The following SYNPO2 variants were observed in gnomAD, a reference collection of about 807,000 sequenced individuals.
The protein encoded by SYNPO2 is synaptopodin-2.
SYNPO2 carries 56 observed loss-of-function variants against 85.0 expected under a neutral mutation model. That is an observed-to-expected ratio of 0.66 (90% CI 0.53 to 0.82). The LOEUF (loss-of-function observed/expected upper bound fraction) is 0.82, where lower values mean the gene tolerates loss of function less well. Ranked by LOEUF, SYNPO2 falls within the 40% of genes least tolerant of loss-of-function variation. The pLI, the probability that SYNPO2 is intolerant of heterozygous loss-of-function variation, is 0.00. For synonymous variants in SYNPO2, 602 were observed against 591.1 expected (o/e 1.02, Z -0.27); for missense variants, 1,575 against 1,534.2 (o/e 1.03, Z -0.44).
intron 1 of SYNPO2, among the ~76,000 whole-genome samples, chr4:119,008,777 C>A (rs59523444): frequency 0.019 from 2,823 of 151,870 alleles, 79 homozygotes; most frequent in African/African-American, 0.065. Flanking sequence ...TTTTGCTGAA[C>A]TTTAACTCTT....
intron 1 of SYNPO2, among the ~76,000 whole-genome samples, chr4:118,871,713 C>G (rs1043182050): frequency 1.1e-4 from 17 of 152,032 alleles, no homozygotes; most frequent in Admixed American, 4.6e-4. Flanking sequence ...GGACTACAGG[C>G]GCCTGCCACC....
chr4:119,000,507 G>A (rs1055062438), intron 1 of SYNPO2, among the ~76,000 whole-genome samples: 1 of 152,172 alleles, frequency 6.6e-6, no homozygotes, highest in Non-Finnish European at 1.5e-5. Flanking sequence ...ACACACACGA[G>A]TAATACAACC....
chr4:118,900,691 CTCTCTCTCTCTCTATATATATATA>C (rs1413798803), intron 1 of SYNPO2, among the ~76,000 whole-genome samples: 1 of 51,504 alleles, frequency 1.9e-5, no homozygotes, highest in East Asian at 5.0e-4. Context: ...CTCTCTCTCT[CTCTCTCTCTCTCTATATATATATA>C]TATATATATA....
chr4:118,858,213 G>A lies in SYNPO2; in HGVS notation c.12+7273G>A, dbSNP rs574801061. Among the ~76,000 whole-genome samples the A allele has an allele frequency of 3.3e-5, 5 of 152,188 alleles. No homozygotes were observed. In the South Asian group the frequency reaches 8.3e-4, roughly 25 times the overall value. ...TTGGCTAAATCTGGGTATGTAACAG[G>A]GAAGATAGGGTCTCTCCACCTCCCC... On this transcript the variant is annotated intron_variant, in intron 1 of 4. Coordinates refer to the SYNPO2 transcript ENST00000610556.
chr4:119,036,255 G>T, intron 4 of SYNPO2: 1 of 985,410 alleles, frequency 1.0e-6, no homozygotes, highest in Non-Finnish European at 1.2e-6. Flanking sequence ...CGTGGGGCGT[G>T]TGCTCATTCT....
chr4:118,916,355 T>C (rs555849192), intron 1 of SYNPO2, among the ~76,000 whole-genome samples: 90 of 152,100 alleles, frequency 5.9e-4, no homozygotes, highest in African/African-American at 2.1e-3. Context: ...GTATTTTTTG[T>C]AGAAATGGGG....
intron 1 of SYNPO2, among the ~76,000 whole-genome samples, chr4:118,991,608 GAGA>G (rs1051460264): frequency 9.8e-5 from 15 of 152,346 alleles, no homozygotes; most frequent in Non-Finnish European, 1.5e-5. Context: ...AGGGGTGGGG[GAGA>G]AGAAGAGAAA....
Position 119,031,404 on chromosome 4 carries a change from G to T in SYNPO2, c.2629G>T (p.Ala877Ser). ...GAGTGGGAGAGGAGCTCAGCTCTTTGCTAAAAGGCAGTCGAGAATGGAGAA... is the reference window on the plus strand; with the variant it reads ...GAGTGGGAGAGGAGCTCAGCTCTTTTCTAAAAGGCAGTCGAGAATGGAGAA... ...GMSGRGAQLF[A>S]KRQSRMEKYV... Residue 877 changes from alanine to serine, a missense_variant, in exon 4 of 5, where the codon GCT becomes TCT. Physicochemically the swap from Ala to Ser is moderately conservative, Grantham distance 99. This residue lies in a region of SYNPO2 where 1,508 missense variants were observed against 1,446.8 expected (regional missense o/e 1.04). Transcript: ENST00000307142. 1 of 1,614,154 alleles carries T rather than the reference G, an allele frequency of 6.2e-7. No individual in the cohort carries two copies. Among genetic ancestry groups the T allele is most frequent in the Non-Finnish European group, 8.5e-7 (1 of 1,180,032 alleles).
At chr4:118,976,306 T>C (rs916593457) in intron 1 of SYNPO2, among the ~76,000 whole-genome samples, 1 of 152,072 alleles carries the variant, frequency 6.6e-6, no homozygotes, top group African/African-American at 2.4e-5. Flanking sequence ...CGTCTGGAGT[T>C]ATTCATTCCT....
At chr4:119,014,351 T>G (rs1737447230) in intron 1 of SYNPO2, among the ~76,000 whole-genome samples, 1 of 152,000 alleles carries the variant, frequency 6.6e-6, no homozygotes, top group South Asian at 2.1e-4. Flanking sequence ...GAGGCGGAGG[T>G]TGCAGCGAGC....
chr4:118,881,204 A>G (rs1271149648), intron 1 of SYNPO2, among the ~76,000 whole-genome samples: 1 of 151,484 alleles, frequency 6.6e-6, no homozygotes, highest in Non-Finnish European at 1.5e-5. Context: ...CAGGAGGCTG[A>G]GGCAGGAGAA....
upstream of SYNPO2, among the ~76,000 whole-genome samples, chr4:118,885,543 G>A (rs1364332367): frequency 6.6e-6 from 1 of 151,196 alleles, no homozygotes; most frequent in Non-Finnish European, 1.5e-5. Context: ...TACGGTCTCG[G>A]CTCACTGCAA....
intron 1 of SYNPO2, among the ~76,000 whole-genome samples, chr4:118,908,717 G>A (rs970333484): frequency 3.9e-5 from 6 of 152,064 alleles, no homozygotes; most frequent in Admixed American, 3.9e-4. Context: ...ACATGATAAA[G>A]CCTTATAGAA....
rs80240371 is a variant in SYNPO2 at position 118,925,235 on chromosome 4, A to G, written c.105+36094A>G. On this transcript the variant is annotated intron_variant, in intron 1 of 4. Coordinates refer to ENST00000307142, the MANE Select transcript of SYNPO2 (RefSeq NM_133477.3). ...CATGAGGATGGCACATATCCCTAAC[A>G]TAAGAGAACCCAAGAAAATATAATT... 5.2e-3 allele frequency among the ~76,000 whole-genome samples: 797 copies of G among 152,306 alleles called. 4 individuals are homozygous for G. The highest frequency in any genetic ancestry group is 0.017 in the African/African-American group (713 of 41,588).
At chr4:118,879,060 G>A (rs1347124308) in intron 1 of SYNPO2, among the ~76,000 whole-genome samples, 3 of 152,166 alleles carry the variant, frequency 2.0e-5, no homozygotes, top group East Asian at 1.9e-4. Flanking sequence ...ACCTTTAAGA[G>A]CTGTAACACT....
intron 1 of SYNPO2, among the ~76,000 whole-genome samples, chr4:118,903,780 C>T (rs978769112): frequency 2.6e-5 from 4 of 151,642 alleles, no homozygotes; most frequent in African/African-American, 4.9e-5. Flanking sequence ...GGCGTGATCT[C>T]GGCTCACTGC....
At chr4:118,984,815 C>T (rs920126987) in intron 1 of SYNPO2, among the ~76,000 whole-genome samples, 1 of 152,174 alleles carries the variant, frequency 6.6e-6, no homozygotes, top group African/African-American at 2.4e-5. Flanking sequence ...ATATTTTGCA[C>T]TGCTTGGTTC....
rs1182299334 is a variant in SYNPO2 at position 118,966,451 on chromosome 4, C to G, written c.106-56979C>G. 3.3e-5 allele frequency among the ~76,000 whole-genome samples: 5 copies of G among 152,072 alleles called. No individual in the cohort carries two copies. The East Asian group carries it at 5.8e-4, about 18-fold the overall frequency. ...CCCAGAAACCCTGGAGCACAGCTCCCCCACTTACCCTTGTAAACCCCAAGG... is the reference window on the plus strand; with the variant it reads ...CCCAGAAACCCTGGAGCACAGCTCCGCCACTTACCCTTGTAAACCCCAAGG... On this transcript the variant is annotated intron_variant, in intron 1 of 4. Transcript: ENST00000307142.
rs147918808 is a variant in SYNPO2 at position 119,031,853 on chromosome 4, G to A, written c.3078G>A (p.Ser1026=). 1.0e-4 allele frequency: 167 copies of A among 1,614,036 alleles called. No homozygotes were observed. The highest frequency in any genetic ancestry group is 1.3e-4 in the Non-Finnish European group (156 of 1,180,044). ...ATGTGCAGGCTTCGTCAGTGTACTCGGTACCAGCCTATACCTCTCCTCCTT... is the reference window on the plus strand; with the variant it reads ...ATGTGCAGGCTTCGTCAGTGTACTCAGTACCAGCCTATACCTCTCCTCCTT... ...PTNVQASSVY[S]VPAYTSPPSF... Residue 1026 remains serine, a synonymous_variant, in exon 4 of 5, where the codon TCG becomes TCA. Transcript: ENST00000307142.
Sources: gnomAD v4.1 joint callset for allele counts (sites outside exome capture counted in the v4.1 genomes callset) on GRCh38, gnomAD v4.1.1 for gene constraint, gnomAD v4.1.1 regional missense constraint, MANE v1.5 for transcripts, NCBI Gene and HGNC (gene_info 2026-07-23, HGNC 2026-07-21) for gene names.